Variants in SNX31 observed in about 807,000 individuals in gnomAD.
SNX31 encodes the protein sorting nexin 31.
In SNX31, 58 loss-of-function variants were observed where a neutral mutation model predicts 65.4. The observed-to-expected ratio is 0.89, with a 90% confidence interval of 0.72 to 1.10. SNX31 has a LOEUF of 1.10. Among genes scored for constraint, SNX31 ranks in the 50% least tolerant of loss-of-function variants. SNX31 has a pLI of 0.00. For synonymous variants in SNX31, 181 were observed against 190.1 expected, an observed-to-expected ratio of 0.95 and a Z score of 0.39; for missense variants, 523 against 529.7, an observed-to-expected ratio of 0.99 and a Z score of 0.12.
chr8:100,599,860 G>C (rs1230287839), intron 9 of SNX31, among the ~76,000 whole-genome samples: 1 of 152,144 alleles, frequency 6.6e-6, no homozygotes, highest in Admixed American at 6.5e-5. Flanking sequence ...AATAGAACAC[G>C]TACTCAAAGA....
chr8:100,602,105 C>T lies in SNX31; in HGVS notation c.682-1664G>A, dbSNP rs142120435. On this transcript the variant is annotated intron_variant, in intron 8 of 13. Transcript: ENST00000311812. Reference sequence around the variant, plus strand: ...TGTCAATCCCTAAGGGAAGACCCCGCGCCCGTCGTCTCAGTGTGCCTTGCC... The same window carrying T: ...TGTCAATCCCTAAGGGAAGACCCCGTGCCCGTCGTCTCAGTGTGCCTTGCC... Among the ~76,000 whole-genome samples the T allele has an allele frequency of 7.9e-5, 12 of 152,316 alleles. No homozygotes were observed. The East Asian group carries it at 1.2e-3, about 15-fold the overall frequency.
intron 3 of SNX31, 39 bp downstream of exon 3, chr8:100,635,858 C>T (rs868505309): frequency 7.0e-7 from 1 of 1,421,246 alleles, no homozygotes; most frequent in African/African-American, 1.4e-5. Flanking sequence ...GCTTACATTG[C>T]AATAAATCTG....
chr8:100,646,679 C>CA (rs199804825), intron 2 of SNX31, among the ~76,000 whole-genome samples: 9,980 of 150,824 alleles, frequency 0.066, 450 homozygotes, highest in Non-Finnish European at 0.095. Flanking sequence ...TAGAGTGAGG[C>CA]AAAAAAAAAT....
intron 5 of SNX31, among the ~76,000 whole-genome samples, chr8:100,615,681 T>C (rs34333090): frequency 0.25 from 38,731 of 152,148 alleles, 5,231 homozygotes; most frequent in Admixed American, 0.36. Flanking sequence ...AGGTTTATAG[T>C]AGTATAGTAG....
At chr8:100,615,999 C>T (rs1439716091) in intron 5 of SNX31, among the ~76,000 whole-genome samples, 1 of 152,136 alleles carries the variant, frequency 6.6e-6, no homozygotes, top group East Asian at 1.9e-4. Flanking sequence ...TGGTCTCGAT[C>T]TCCTGACCTC....
At chr8:100,662,671 T>TGGGCGACA (rs1457723238) in intron 1 of SNX31, among the ~76,000 whole-genome samples, 7 of 152,304 alleles carry the variant, frequency 4.6e-5, no homozygotes, top group African/African-American at 1.2e-4. Flanking sequence ...CACTCCAGCC[T>TGGGCGACA]AGGCCACAGA....
At chr8:100,647,003 T>C (rs1320121324) in intron 2 of SNX31, among the ~76,000 whole-genome samples, 1 of 152,224 alleles carries the variant, frequency 6.6e-6, no homozygotes, top group African/African-American at 2.4e-5. Context: ...ATTCTAATGC[T>C]AGCTCATAAG....
chr8:100,658,271 T>C (rs565376346), intron 1 of SNX31, among the ~76,000 whole-genome samples: 1 of 152,242 alleles, frequency 6.6e-6, no homozygotes, highest in Non-Finnish European at 1.5e-5. Context: ...GAGGCTACTG[T>C]TGGAAAAATG....
chr8:100,598,646 T>C (rs1815331378), intron 9 of SNX31, among the ~76,000 whole-genome samples: 1 of 152,166 alleles, frequency 6.6e-6, no homozygotes, highest in Non-Finnish European at 1.5e-5. Flanking sequence ...ACAAGGATTC[T>C]CTACTTGAAA....
In SNX31 at chr8:100,630,207, T is replaced by C. The variant is rs1818321365; in HGVS notation, c.321+120A>G. Reference sequence around the variant, plus strand: ...ATTGACTTGAAATGAATATATTTTGTCCAAGTCCAGGCTCTGTGGGGCTGT... The same window carrying C: ...ATTGACTTGAAATGAATATATTTTGCCCAAGTCCAGGCTCTGTGGGGCTGT... On this transcript the variant is annotated intron_variant, in intron 4 of 13. Transcript: ENST00000311812. This position sits in a 1 kb window ranked among gnomAD's most constrained non-coding sequence, Gnocchi z 5.3. 1 of 837,174 alleles carries C rather than the reference T, an allele frequency of 1.2e-6. No homozygotes were observed. The highest frequency in any genetic ancestry group is 3.3e-5 in the Admixed American group (1 of 30,236). 51.9% of individuals were successfully genotyped at this position (837,174 alleles called of 1,614,324 possible).
chr8:100,658,210 C>T (rs963470880), intron 1 of SNX31, among the ~76,000 whole-genome samples: 1 of 152,142 alleles, frequency 6.6e-6, no homozygotes, highest in Non-Finnish European at 1.5e-5. Context: ...CCTCACAGCT[C>T]TGAAGATTCT....
At chr8:100,584,027 A>T (rs1813795979) in intron 12 of SNX31, 84 bp downstream of exon 12, 12 of 1,217,300 alleles carry the variant, frequency 9.9e-6, no homozygotes, top group Non-Finnish European at 1.4e-5. Context: ...TGGCTCAGGG[A>T]GCTCATGAGT....
intron 8 of SNX31, among the ~76,000 whole-genome samples, chr8:100,607,381 A>T (rs753506428): frequency 6.6e-6 from 1 of 152,230 alleles, no homozygotes; most frequent in East Asian, 1.9e-4. Context: ...TGACCATTCC[A>T]TGACTTGGCC....
At chr8:100,639,026 T>G (rs189589383) in intron 2 of SNX31, among the ~76,000 whole-genome samples, 4 of 152,284 alleles carry the variant, frequency 2.6e-5, no homozygotes, top group African/African-American at 9.6e-5. Flanking sequence ...TATAAAAAGA[T>G]CAACAGCCAC....
chr8:100,627,382 T>C (rs1325045970), intron 4 of SNX31, among the ~76,000 whole-genome samples: 1 of 151,900 alleles, frequency 6.6e-6, no homozygotes, highest in Non-Finnish European at 1.5e-5. Context: ...AACAGAGATA[T>C]ACAAAACAAA....
chr8:100,618,201 G>A lies in SNX31; in HGVS notation c.322-471C>T, dbSNP rs1191888280. 5.6e-6 allele frequency: 8 copies of A among 1,439,474 alleles called. No homozygotes were observed. In the African/African-American group the frequency reaches 7.1e-5, roughly 13 times the overall value. The allele number at this position is 1,439,474 out of a possible 1,614,324, so 89.2% of individuals were successfully genotyped here. On this transcript the variant is annotated intron_variant, in intron 4 of 13. Transcript: ENST00000311812. ...GAGATTGGAAGGGTTGTTTTGTGGGGTATAGTGGAGGCAAGGCAAAGGAGT... is the reference window on the plus strand; with the variant it reads ...GAGATTGGAAGGGTTGTTTTGTGGGATATAGTGGAGGCAAGGCAAAGGAGT...
chr8:100,658,425 C>T (rs1786349), intron 1 of SNX31, among the ~76,000 whole-genome samples: 92,100 of 152,066 alleles, frequency 0.61, 30,596 homozygotes, highest in African/African-American at 0.9. Context: ...TAGAAACCTA[C>T]TGAGCGACAG....
chr8:100,593,929 A>T (rs1814824728), intron 10 of SNX31, among the ~76,000 whole-genome samples: 1 of 152,236 alleles, frequency 6.6e-6, no homozygotes, highest in South Asian at 2.1e-4. Flanking sequence ...GCACAATCCA[A>T]AAAAGGAAAA....
At chr8:100,627,412 T>A (rs183464814) in intron 4 of SNX31, among the ~76,000 whole-genome samples, 34 of 152,068 alleles carry the variant, frequency 2.2e-4, no homozygotes, top group African/African-American at 8.0e-4. Flanking sequence ...CATTGAATGA[T>A]CCCATGAATG....
Sources: gnomAD v4.1 joint callset for allele counts (sites outside exome capture counted in the v4.1 genomes callset) on GRCh38, gnomAD v4.1.1 for gene constraint, Gnocchi (gnomAD v3.1) non-coding constraint, MANE v1.5 for transcripts, NCBI Gene and HGNC (gene_info 2026-07-23, HGNC 2026-07-21) for gene names.